The following FREM2 variants were observed in gnomAD, a reference collection of about 807,000 sequenced individuals.
FREM2 encodes the protein FRAS1 related extracellular matrix 2, also known as FRAS1-related extracellular matrix protein 2.
FREM2 carries 119 observed loss-of-function variants against 219.9 expected under a neutral mutation model. The observed-to-expected ratio is 0.54, with a 90% CI of 0.47 to 0.63. The LOEUF is 0.63. FREM2 is among the 30% of genes least tolerant of loss of function. FREM2 has a pLI of 0.00. For synonymous variants in FREM2, 1,562 were observed against 1,522.8 expected (o/e 1.03, Z -0.60); for missense variants, 4,030 against 3,993.6 (o/e 1.01, Z -0.25).
chr13:38,745,739 A>T (rs1243971994), intron 2 of FREM2, among the ~76,000 whole-genome samples: 1 of 152,090 alleles, frequency 6.6e-6, no homozygotes, highest in African/African-American at 2.4e-5. Flanking sequence ...TCTGGTTTTA[A>T]TCTCGCTTCT....
chr13:38,705,585 C>T (rs1167363051), intron 2 of FREM2, among the ~76,000 whole-genome samples: 1 of 152,056 alleles, frequency 6.6e-6, no homozygotes, highest in Non-Finnish European at 1.5e-5. Context: ...GCCAAGTGAC[C>T]GAGACTTCCT....
intron 4 of FREM2, chr13:38,779,585 A>C (rs564772364): frequency 6.6e-6 from 1 of 152,148 alleles, no homozygotes; most frequent in African/African-American, 2.4e-5. Flanking sequence ...AAAAATAAAA[A>C]GTAAAAACCA....
chr13:38,807,959 T>A (rs2137859477), intron 6 of FREM2, among the ~76,000 whole-genome samples: 1 of 151,592 alleles, frequency 6.6e-6, no homozygotes, highest in African/African-American at 2.4e-5. Flanking sequence ...AAGTCCTAGA[T>A]GGCTTCTTCT....
intron 2 of FREM2, among the ~76,000 whole-genome samples, chr13:38,741,669 A>G (rs544032679): frequency 6.6e-6 from 1 of 152,304 alleles, no homozygotes; most frequent in African/African-American, 2.4e-5. Context: ...TGGGCTCCCG[A>G]ACTCTTACCC....
Position 38,687,588 on chromosome 13 carries a change from C to G in FREM2, c.244C>G (p.Pro82Ala). 3.1e-6 allele frequency: 5 copies of G among 1,607,736 alleles called. No homozygotes were observed. The highest frequency in any genetic ancestry group is 4.2e-6 in the Non-Finnish European group (5 of 1,177,164). ...GCTGGCGAACCGCGGACTCCGGGTG[C>G]CTTTCGGCCGTGAAGTCTGGCTGGA... ...IVLANRGLRV[P>A]FGREVWLDPL... The change falls in exon 1 of 24, where the codon CCT becomes GCT. Residue 82 changes from proline (P) to alanine (A), a missense_variant. This residue lies in a region of FREM2 where 3,102 missense variants were observed against 2,950.7 expected (regional missense o/e 1.05). Transcript: ENST00000280481.
intron 2 of FREM2, among the ~76,000 whole-genome samples, chr13:38,750,981 G>GCAC (rs1014263580): frequency 2.0e-5 from 3 of 152,094 alleles, no homozygotes; most frequent in African/African-American, 7.2e-5. Flanking sequence ...TGTAGTGGCT[G>GCAC]CACTACACTT....
intron 2 of FREM2, among the ~76,000 whole-genome samples, chr13:38,726,158 T>A (rs1393793089): frequency 6.6e-6 from 1 of 152,098 alleles, no homozygotes. Context: ...TAACTTTTAT[T>A]GTGGTTTCTG....
chr13:38,770,974 T>G (rs1873640111), intron 4 of FREM2, among the ~76,000 whole-genome samples: 1 of 152,220 alleles, frequency 6.6e-6, no homozygotes, highest in Non-Finnish European at 1.5e-5. Flanking sequence ...AGACATGACT[T>G]TCTTTTAAAC....
intron 6 of FREM2, among the ~76,000 whole-genome samples, chr13:38,817,992 T>C (rs775173097): frequency 6.6e-6 from 1 of 152,036 alleles, no homozygotes; most frequent in Admixed American, 6.6e-5. Flanking sequence ...CAAAATAAGA[T>C]ACCATCTCAC....
chr13:38,818,352 T>C (rs1303662569), intron 6 of FREM2, among the ~76,000 whole-genome samples: 3 of 151,972 alleles, frequency 2.0e-5, no homozygotes, highest in Non-Finnish European at 4.4e-5. Context: ...TATACAGTCA[T>C]AAAACATAAT....
chr13:38,876,467 C>T lies in FREM2; in HGVS notation c.8544+85C>T, dbSNP rs1055652020. The T allele has an allele frequency of 1.5e-4, 160 of 1,038,496 alleles. 1 individual carries two copies. Among genetic ancestry groups the T allele is most frequent in the Admixed American group, 4.8e-4 (26 of 53,830 alleles). 64.3% of individuals were successfully genotyped at this position (1,038,496 alleles called of 1,614,324 possible). On this transcript the variant is annotated intron_variant, in intron 20 of 23. Transcript: ENST00000280481. ...TTAGTAAAAAAAAAAAAAATCCACA[C>T]GTGAATGACTTTAATTCTTGCATGC...
chr13:38,818,986 AT>A (rs1875887296), intron 6 of FREM2, among the ~76,000 whole-genome samples: 1 of 152,154 alleles, frequency 6.6e-6, no homozygotes, highest in African/African-American at 2.4e-5. Context: ...TTATTGTGTC[AT>A]TATACAATAC....
chr13:38,818,006 A>C (rs1875835981), intron 6 of FREM2, among the ~76,000 whole-genome samples: 1 of 152,162 alleles, frequency 6.6e-6, no homozygotes, highest in African/African-American at 2.4e-5. Flanking sequence ...ATCTCACTTC[A>C]GTTAGAATGG....
At chr13:38,807,286 G>A (rs557591363) in intron 6 of FREM2, among the ~76,000 whole-genome samples, 12 of 135,248 alleles carry the variant, frequency 8.9e-5, no homozygotes, top group South Asian at 4.9e-4. Context: ...TGTTGCCCAG[G>A]CTGGTCTCAA....
Position 38,687,112 on chromosome 13 carries a change from G to A in FREM2, c.-233G>A, listed in dbSNP as rs1191804958. ...GGATTCAATTCTCCGCGCGATTGAG[G>A]CGCTAGCGGCGGAGCTGGACGGCCT... On this transcript the variant is annotated 5_prime_UTR_variant, in exon 1 of 24. Coordinates refer to ENST00000280481, the MANE Select transcript of FREM2 (RefSeq NM_207361.6). 5.1e-5 allele frequency: 30 copies of A among 593,338 alleles called. No individual in the cohort carries two copies. In the South Asian group the frequency reaches 5.3e-4, roughly 10 times the overall value. The allele number at this position is 593,338 out of a possible 1,614,324, so 36.8% of individuals were successfully genotyped here. A position where few individuals can be genotyped will look rare whatever the true frequency, so the allele number is the denominator to read the frequency against.
intron 2 of FREM2, among the ~76,000 whole-genome samples, chr13:38,714,084 T>C (rs1448587618): frequency 1.3e-5 from 2 of 152,258 alleles, no homozygotes; most frequent in Admixed American, 6.5e-5. Flanking sequence ...GTTGGCATTG[T>C]GATTCTAGTG....
chr13:38,773,746 C>A (rs567220818), intron 4 of FREM2, among the ~76,000 whole-genome samples: 2 of 151,940 alleles, frequency 1.3e-5, no homozygotes, highest in African/African-American at 2.4e-5. Flanking sequence ...TTTTAACATG[C>A]GCATAGAAAG....
intron 2 of FREM2, among the ~76,000 whole-genome samples, chr13:38,723,579 A>G (rs1224047038): frequency 6.6e-6 from 1 of 152,100 alleles, no homozygotes; most frequent in Non-Finnish European, 1.5e-5. Flanking sequence ...TTGTCTCTTC[A>G]TTGTCTCCAT....
rs1566121828 is a variant in FREM2, at chr13:38,734,733, CTATACTTTTTTTTTTTTTTTTTTT to C, written c.5264-29569_5264-29546del. On this transcript the variant is annotated intron_variant, in intron 2 of 23. Coordinates refer to ENST00000280481, the MANE Select transcript of FREM2 (RefSeq NM_207361.6). The stretch of plus-strand genomic sequence containing the variant: ...AATATTAGTGAGAAGAATTGCAGTG[CTATACTTTTTTTTTTTTTTTTTTT>C]TTTTTCTGAAACACAGTCTCACTCT... 2.2e-5 allele frequency among the ~76,000 whole-genome samples: 3 copies of C among 134,786 alleles called. No homozygotes were observed. The Admixed American group carries it at 2.5e-4, about 11-fold the overall frequency. The allele number at this position is 134,786 out of a possible 152,430, so 88.4% of individuals were successfully genotyped here. A position where few individuals can be genotyped will look rare whatever the true frequency, so the allele number is the denominator to read the frequency against.
Sources: allele counts gnomAD v4.1 joint callset (sites outside exome capture counted in the v4.1 genomes callset), GRCh38; gene constraint gnomAD v4.1.1; regional missense constraint gnomAD v4.1.1; transcripts MANE v1.5; gene names NCBI Gene and HGNC (gene_info 2026-07-23, HGNC 2026-07-21).